DIAPH2: variants seen among roughly 807,000 people sequenced by gnomAD.
The protein encoded by DIAPH2 is diaphanous related formin 2.
Under a neutral mutation model 92.7 loss-of-function variants are expected in DIAPH2, and 35 were observed. The observed-to-expected ratio is 0.38, with a 90% CI of 0.29 to 0.50. The LOEUF is 0.50. Among genes scored for constraint, DIAPH2 ranks in the 20% least tolerant of loss-of-function variants. DIAPH2 has a pLI of 0.94. For missense variants in DIAPH2, 701 were observed against 819.5 expected, an observed-to-expected ratio of 0.86 and a Z score of 1.77; for synonymous variants, 301 against 280.4, an observed-to-expected ratio of 1.07 and a Z score of -0.73.
At chrX:97,164,557 A>G (rs1177763481) in intron 22 of DIAPH2, among the ~76,000 whole-genome samples, 1 of 112,233 alleles carries the variant, frequency 8.9e-6, no homozygotes, top group Admixed American at 9.4e-5. Flanking sequence ...CATCAAATTT[A>G]GAAATGTATG....
chrX:97,317,051 A>G (rs533714363), intron 23 of DIAPH2, among the ~76,000 whole-genome samples: 1 of 112,534 alleles, frequency 8.9e-6, no homozygotes, highest in South Asian at 3.7e-4. Flanking sequence ...TAATGCTTCT[A>G]TTATTTTCTG....
In DIAPH2 at chrX:97,343,539, T is replaced by C. The variant is rs185050098; in HGVS notation, c.2845-4577T>C. 5.5e-3 allele frequency among the ~76,000 whole-genome samples: 608 copies of C among 110,858 alleles called. 2 individuals are homozygous for C. The highest frequency in any genetic ancestry group is 0.019 in the African/African-American group (576 of 30,501). ...CAAAAATTAGCTGGGCATGGTGGCA[T>C]GCGCCTGTAATCTCAGCTACTTGGG... is the stretch of plus-strand genomic sequence containing the variant. On this transcript the variant is annotated intron_variant, in intron 23 of 26. Transcript: ENST00000324765.
At chrX:97,357,609 C>T (rs2069279990) in intron 24 of DIAPH2, among the ~76,000 whole-genome samples, 2 of 111,248 alleles carry the variant, frequency 1.8e-5, no homozygotes, top group Admixed American at 1.9e-4. Flanking sequence ...ATATGTTTAT[C>T]TCCATACCCT....
chrX:97,371,750 G>A (rs1200380233), intron 24 of DIAPH2, among the ~76,000 whole-genome samples: 1 of 111,650 alleles, frequency 9.0e-6, no homozygotes, highest in Non-Finnish European at 1.9e-5. Context: ...CATCTTCTAA[G>A]ATGGTGACAG....
chrX:97,313,162 G>A (rs1569359397), intron 23 of DIAPH2, among the ~76,000 whole-genome samples: 1 of 110,832 alleles, frequency 9.0e-6, no homozygotes, highest in East Asian at 2.9e-4. Flanking sequence ...TCCAGCCTGG[G>A]AGACAGAGTG....
chrX:97,452,163 AAG>A (rs1346622177), intron 26 of DIAPH2, among the ~76,000 whole-genome samples: 3 of 111,434 alleles, frequency 2.7e-5, no homozygotes, highest in Non-Finnish European at 5.7e-5. Context: ...CTCTTAAAAA[AAG>A]AAACGAATAT....
At chrX:97,435,287 T>C (rs946916106) in intron 26 of DIAPH2, among the ~76,000 whole-genome samples, 2 of 111,722 alleles carry the variant, frequency 1.8e-5, no homozygotes, top group Non-Finnish European at 3.8e-5. Flanking sequence ...AGCAGTCTTA[T>C]TGAATGCCTC....
At chrX:96,945,729 G>A (rs1176678730) in intron 14 of DIAPH2, 138 bp downstream of exon 14, 30 of 389,327 alleles carry the variant, frequency 7.7e-5, no homozygotes, top group Non-Finnish European at 1.2e-4. Flanking sequence ...AAACATAGCC[G>A]TGGAATATTG....
intron 23 of DIAPH2, among the ~76,000 whole-genome samples, chrX:97,322,666 T>A (rs966405530): frequency 3.6e-5 from 4 of 110,820 alleles, no homozygotes; most frequent in African/African-American, 1.3e-4. Flanking sequence ...TCTACTGATT[T>A]TGATTAGTTT....
chrX:97,154,510 T>G (rs11092138), intron 22 of DIAPH2, among the ~76,000 whole-genome samples: 46,922 of 110,693 alleles, frequency 0.42, 7,996 homozygotes, highest in Non-Finnish European at 0.54. Context: ...TGCTTTGTTC[T>G]AAAACTTCAG....
chrX:97,208,490 C>G (rs1602418022), intron 22 of DIAPH2, among the ~76,000 whole-genome samples: 1 of 111,918 alleles, frequency 8.9e-6, no homozygotes, highest in South Asian at 3.7e-4. Flanking sequence ...TTCAGATTAA[C>G]TTGGATCTAA....
intron 4 of DIAPH2, among the ~76,000 whole-genome samples, chrX:96,762,620 A>G (rs917478928): frequency 3.6e-5 from 4 of 110,813 alleles, no homozygotes; most frequent in Non-Finnish European, 7.6e-5. Context: ...ATACCTTAAT[A>G]GTATACCTGC....
At chrX:97,235,465 G>A (rs1044590046) in intron 22 of DIAPH2, among the ~76,000 whole-genome samples, 2 of 109,667 alleles carry the variant, frequency 1.8e-5, no homozygotes, top group East Asian at 5.7e-4. Flanking sequence ...TTAGCCAGGC[G>A]TGGTGGCACA....
Position 97,552,953 on chromosome X carries a change from A to G in DIAPH2, c.3242-46300A>G, listed in dbSNP as rs750759626. Among the ~76,000 whole-genome samples, 16 of 111,454 alleles carry G rather than the reference A, an allele frequency of 1.4e-4. No homozygotes were observed. The South Asian group carries it at 6.0e-3, about 42-fold the overall frequency. ...CTTCTCACTGTGCCCTAATGTGACT[A>G]TCCCTCTGTCTCTATGCTCTGTGTA... On this transcript the variant is annotated intron_variant, in intron 26 of 26. Transcript: ENST00000324765.
At chrX:96,931,084 G>C (rs1333452152) in intron 10 of DIAPH2, among the ~76,000 whole-genome samples, 1 of 111,586 alleles carries the variant, frequency 9.0e-6, no homozygotes, top group Non-Finnish European at 1.9e-5. Context: ...TTTCCCTCAA[G>C]TCAAAAGGGA....
chrX:96,935,914 G>A (rs1287412437), intron 10 of DIAPH2, among the ~76,000 whole-genome samples: 1 of 111,734 alleles, frequency 8.9e-6, no homozygotes, highest in Non-Finnish European at 1.9e-5. Context: ...TAAAATGCGT[G>A]ACAGGTTGTT....
intron 13 of DIAPH2, among the ~76,000 whole-genome samples, chrX:96,943,964 A>G (rs1439999688): frequency 2.7e-5 from 3 of 111,760 alleles, no homozygotes; most frequent in Non-Finnish European, 5.7e-5. Flanking sequence ...AGTCACATAT[A>G]TGAGTGGCTC....
At chrX:97,544,450 T>TTG (rs1352621587) in intron 26 of DIAPH2, among the ~76,000 whole-genome samples, 2 of 111,760 alleles carry the variant, frequency 1.8e-5, no homozygotes, top group Non-Finnish European at 3.8e-5. Context: ...TTTTAGTTTG[T>TTG]TGTAGAGTGT....
At chrX:97,461,915 A>G (rs1399553723) in intron 26 of DIAPH2, among the ~76,000 whole-genome samples, 1 of 111,777 alleles carries the variant, frequency 8.9e-6, no homozygotes, top group Non-Finnish European at 1.9e-5. Flanking sequence ...CTGTAATAAT[A>G]CCCTTGGCCT....
Sources: gnomAD v4.1 joint callset for allele counts (sites outside exome capture counted in the v4.1 genomes callset) on GRCh38, gnomAD v4.1.1 for gene constraint, MANE v1.5 for transcripts, NCBI Gene and HGNC (gene_info 2026-07-23, HGNC 2026-07-21) for gene names.